THAP6: variants seen among roughly 807,000 people sequenced by gnomAD.
THAP6 encodes THAP domain containing 6.
In THAP6, 13 loss-of-function variants were observed where a neutral mutation model predicts 20.0. That is an observed-to-expected ratio of 0.65 (90% CI 0.42 to 1.03). The LOEUF is 1.03. Among genes scored for constraint, THAP6 ranks in the 50% least tolerant of loss-of-function variants. THAP6 has a pLI of 0.00. For synonymous variants in THAP6, 93 were observed against 92.2 expected (o/e 1.01, Z -0.05); for missense variants, 262 against 261.6 (o/e 1.00, Z -0.01).
chr4:75,532,872 T>G (rs1034196935), downstream of THAP6, among the ~76,000 whole-genome samples: 11 of 152,148 alleles, frequency 7.2e-5, no homozygotes, highest in Non-Finnish European at 1.3e-4. Context: ...ACGGGGACCC[T>G]GGGCCTGGCC....
At chr4:75,518,718 C>T (rs74319828) in intron 3 of THAP6, among the ~76,000 whole-genome samples, 13,490 of 152,088 alleles carry the variant, frequency 0.089, 993 homozygotes, top group African/African-American at 0.18. Flanking sequence ...TTTCCTACAC[C>T]GTAGCTTTCA....
At chr4:75,536,766 C>T (rs923818368) in intron 2 of THAP6, among the ~76,000 whole-genome samples, 2 of 152,092 alleles carry the variant, frequency 1.3e-5, no homozygotes, top group African/African-American at 2.4e-5. Flanking sequence ...CCTCAGCCTC[C>T]CGCAATCTGC....
rs1578281411 is a variant in THAP6 at position 75,537,354 on chromosome 4, G to A, written c.166-5055G>A. On this transcript the variant is annotated intron_variant, in intron 2 of 4. Transcript: ENST00000502620. ...ATAATTCCCATGTGTTGTGGGAGGG[G>A]CCCGGTGGGAGATAATTGAATCATG... 2.6e-5 allele frequency among the ~76,000 whole-genome samples: 4 copies of A among 152,278 alleles called. 1 individual carries two copies. The highest frequency in any genetic ancestry group is 2.6e-4 in the Admixed American group (4 of 15,296).
downstream of THAP6, among the ~76,000 whole-genome samples, chr4:75,533,723 G>T (rs1056218516): frequency 1.8e-4 from 28 of 152,154 alleles, no homozygotes; most frequent in African/African-American, 6.3e-4. Flanking sequence ...AAAAGAGCTT[G>T]TGCAGAGAAA....
intron 3 of THAP6, among the ~76,000 whole-genome samples, chr4:75,543,957 C>T (rs1727068800): frequency 6.6e-6 from 1 of 152,226 alleles, no homozygotes; most frequent in African/African-American, 2.4e-5. Context: ...TGGAAGCTGA[C>T]TCTTCTTAGC....
At chr4:75,525,720 C>T (rs554860079) in intron 4 of THAP6, among the ~76,000 whole-genome samples, 1 of 152,134 alleles carries the variant, frequency 6.6e-6, no homozygotes, top group Non-Finnish European at 1.5e-5. Flanking sequence ...TTTTCTTGAG[C>T]ATTGTTCTGG....
At chr4:75,517,120 G>A (rs1725714374) in intron 3 of THAP6, 141 bp downstream of exon 3, 1 of 606,412 alleles carries the variant, frequency 1.6e-6, no homozygotes, top group Non-Finnish European at 2.8e-6. Flanking sequence ...CAGGGTTTAA[G>A]CAATTCTCTG....
chr4:75,519,841 C>T (rs1578262786), intron 3 of THAP6, among the ~76,000 whole-genome samples: 1 of 151,548 alleles, frequency 6.6e-6, no homozygotes, highest in East Asian at 1.9e-4. Flanking sequence ...TGGGTATATA[C>T]CCAGTAATGG....
upstream of THAP6, chr4:75,514,432 C>A: frequency 1.1e-6 from 1 of 894,498 alleles, no homozygotes; most frequent in Non-Finnish European, 1.6e-6. Context: ...CCGGGGCAGA[C>A]GGATTTCCGG....
chr4:75,540,103 C>A, intron 2 of THAP6: 1 of 998,080 alleles, frequency 1.0e-6, no homozygotes, highest in Non-Finnish European at 1.4e-6. Flanking sequence ...GCCATTTAAT[C>A]TATCTTAGAT....
intron 2 of THAP6, among the ~76,000 whole-genome samples, chr4:75,516,463 A>G (rs576088480): frequency 6.6e-6 from 1 of 152,372 alleles, no homozygotes; most frequent in South Asian, 2.1e-4. Context: ...TTTATCATCT[A>G]TAGATGAATA....
At position 75,516,838 on chromosome 4, in the gene THAP6, A is replaced by G. The variant is rs150462553; in HGVS notation, c.147A>G (p.Ala49=). ...VLAMKRLDVN[A]AGIWEPKKGD... ...CAATGAAAAGACTTGATGTGAATGC[A>G]GCCGGCATTTGGGAGCCTAAAAAAG... Residue 49 remains alanine, a synonymous_variant, in exon 3 of 5, where the codon GCA becomes GCG. Transcript: ENST00000311638. 6.2e-7 allele frequency: 1 copy of G among 1,614,056 alleles called. No individual in the cohort carries two copies. The highest frequency in any genetic ancestry group is 8.5e-7 in the Non-Finnish European group (1 of 1,180,032).
intron 3 of THAP6, among the ~76,000 whole-genome samples, chr4:75,521,159 C>A (rs1726001991): frequency 6.8e-6 from 1 of 147,854 alleles, no homozygotes; most frequent in South Asian, 2.1e-4. Context: ...AGGCTTTTTT[C>A]AATGTAGTCA....
chr4:75,542,239 C>A (rs1347807195), intron 2 of THAP6, among the ~76,000 whole-genome samples: 2 of 152,188 alleles, frequency 1.3e-5, no homozygotes, highest in East Asian at 1.9e-4. Context: ...AAATGACTGC[C>A]TCCATCCCTT....
chr4:75,521,675 A>G, intron 3 of THAP6, 61 bp from the exon 4 acceptor site: 1 of 1,479,464 alleles, frequency 6.8e-7, no homozygotes, highest in South Asian at 1.4e-5. Flanking sequence ...AAGAAGGAAT[A>G]AAAATTTAAG....
At chr4:75,537,545 A>C (rs1381383318) in intron 2 of THAP6, among the ~76,000 whole-genome samples, 1 of 152,014 alleles carries the variant, frequency 6.6e-6, no homozygotes, top group Non-Finnish European at 1.5e-5. Flanking sequence ...CATGATTGTG[A>C]GGCCTCCCCC....
downstream of THAP6, among the ~76,000 whole-genome samples, chr4:75,531,010 C>T (rs1399508025): frequency 1.3e-5 from 2 of 152,104 alleles, no homozygotes; most frequent in African/African-American, 2.4e-5. Context: ...GGGTCATACA[C>T]AAAAATGAGT....
chr4:75,527,340 A>G lies in THAP6; in HGVS notation c.*126A>G, dbSNP rs1468270137. ...CTTTGGATTCTCTGGAGCATTATGC[A>G]TTATAGTTGTTATCCAAAGACTTTT... On this transcript the variant is annotated 3_prime_UTR_variant, in exon 5 of 5. Transcript: ENST00000311638. 3 of 1,481,436 alleles carry G rather than the reference A, an allele frequency of 2.0e-6. No individual in the cohort carries two copies. Among genetic ancestry groups the G allele is most frequent in the East Asian group, 2.3e-5 (1 of 42,938 alleles). The allele number at this position is 1,481,436 out of a possible 1,614,324, so 91.8% of individuals were successfully genotyped here. A position where few individuals can be genotyped will look rare whatever the true frequency, so the allele number is the denominator to read the frequency against.
chr4:75,525,785 GACTGTTTTGCAT>G (rs1726324266), intron 4 of THAP6, among the ~76,000 whole-genome samples: 1 of 152,160 alleles, frequency 6.6e-6, no homozygotes, highest in South Asian at 2.1e-4. Context: ...TGTTTGACAA[GACTGTTTTGCAT>G]ACTTAGTGTC....
Sources: allele counts gnomAD v4.1 joint callset (sites outside exome capture counted in the v4.1 genomes callset), GRCh38; gene constraint gnomAD v4.1.1; transcripts MANE v1.5; gene names NCBI Gene and HGNC (gene_info 2026-07-23, HGNC 2026-07-21).